AFG1L: variants seen among roughly 807,000 people sequenced by gnomAD.
AFG1L encodes AFG1 like ATPase, also known as AFG1-like ATPase.
Under a neutral mutation model 62.2 loss-of-function variants are expected in AFG1L, and 53 were observed. The observed-to-expected ratio is 0.85, with a 90% CI of 0.68 to 1.07. The LOEUF (loss-of-function observed/expected upper bound fraction) is 1.07, where lower values mean the gene tolerates loss of function less well. Ranked by LOEUF, AFG1L falls within the 50% of genes least tolerant of loss-of-function variation. The pLI is 0.00. For synonymous variants in AFG1L, 228 were observed against 210.3 expected (o/e 1.08, Z -0.73); for missense variants, 555 against 590.5 (o/e 0.94, Z 0.62).
chr6:108,457,324 C>T (rs957445380), intron 8 of AFG1L, among the ~76,000 whole-genome samples: 3 of 151,880 alleles, frequency 2.0e-5, no homozygotes, highest in African/African-American at 7.3e-5. Flanking sequence ...TTCTTATTAG[C>T]TATACCTCCT....
At chr6:108,351,917 A>G (rs1371452976) in intron 3 of AFG1L, among the ~76,000 whole-genome samples, 1 of 152,106 alleles carries the variant, frequency 6.6e-6, no homozygotes, top group Non-Finnish European at 1.5e-5. Flanking sequence ...ATATTAACTA[A>G]AGCTTTTTAA....
chr6:108,323,715 A>G, intron 1 of AFG1L, 110 bp from the exon 2 acceptor site: 1 of 695,526 alleles, frequency 1.4e-6, no homozygotes, highest in South Asian at 1.9e-5. Flanking sequence ...AACTGCTCCA[A>G]TAGATATACT....
At chr6:108,324,576 C>T (rs1420184352) in intron 2 of AFG1L, among the ~76,000 whole-genome samples, 4 of 152,180 alleles carry the variant, frequency 2.6e-5, no homozygotes, top group Non-Finnish European at 5.9e-5. Flanking sequence ...GACCTCCACA[C>T]TTCTCCAGTC....
At chr6:108,324,901 C>T (rs1443742399) in intron 2 of AFG1L, among the ~76,000 whole-genome samples, 1 of 152,094 alleles carries the variant, frequency 6.6e-6, no homozygotes, top group East Asian at 1.9e-4. Flanking sequence ...CCATGTTGGC[C>T]AGGCTGGTCT....
chr6:108,380,785 C>T (rs753788605), intron 6 of AFG1L, among the ~76,000 whole-genome samples: 80 of 152,274 alleles, frequency 5.3e-4, no homozygotes, highest in Middle Eastern at 3.4e-3. Flanking sequence ...AGTTAACTCT[C>T]GGGCTTGGGA....
chr6:108,304,151 C>T (rs538072328), intron 1 of AFG1L, among the ~76,000 whole-genome samples: 10 of 152,170 alleles, frequency 6.6e-5, no homozygotes, highest in Non-Finnish European at 1.5e-4. Context: ...TTTAAAGCCC[C>T]TAACTAAGCC....
intron 8 of AFG1L, among the ~76,000 whole-genome samples, chr6:108,459,551 T>C (rs1772377272): frequency 6.6e-6 from 1 of 152,236 alleles, no homozygotes; most frequent in Non-Finnish European, 1.5e-5. Flanking sequence ...GTCTAGACCA[T>C]TATTCTGAAA....
chr6:108,503,385 A>C (rs1360927500), intron 10 of AFG1L, among the ~76,000 whole-genome samples: 1 of 152,242 alleles, frequency 6.6e-6, no homozygotes, highest in Middle Eastern at 3.2e-3. Context: ...TTGTGTTAAC[A>C]GTCATGAAAA....
At chr6:108,517,517 G>A (rs551219624) in intron 11 of AFG1L, among the ~76,000 whole-genome samples, 1 of 152,298 alleles carries the variant, frequency 6.6e-6, no homozygotes, top group Non-Finnish European at 1.5e-5. Context: ...ATGGATTAAA[G>A]ACTTAAATGT....
chr6:108,466,628 C>T (rs1035324718), intron 8 of AFG1L, among the ~76,000 whole-genome samples: 4 of 151,822 alleles, frequency 2.6e-5, no homozygotes, highest in African/African-American at 9.7e-5. Context: ...GTGAAGGCGG[C>T]CGTCTGCAAG....
At chr6:108,464,996 T>G (rs1268731653) in intron 8 of AFG1L, among the ~76,000 whole-genome samples, 1 of 152,222 alleles carries the variant, frequency 6.6e-6, no homozygotes, top group Admixed American at 6.5e-5. Context: ...ACTTAAATTC[T>G]TTATCCTTAC....
rs962069850 is a variant in AFG1L, at chr6:108,339,901, A to G, written c.364-7087A>G. Among the ~76,000 whole-genome samples, 7 of 152,176 alleles carry G rather than the reference A, an allele frequency of 4.6e-5. No individual in the cohort carries two copies. The East Asian group carries it at 1.2e-3, about 25-fold the overall frequency. Reference sequence around the variant, plus strand: ...CTCTCAAACATTTATCCTTTGTGTTACAATCAAATTATATACTCTTTTAGT... The same window carrying G: ...CTCTCAAACATTTATCCTTTGTGTTGCAATCAAATTATATACTCTTTTAGT... On this transcript the variant is annotated intron_variant, in intron 2 of 12. Coordinates refer to ENST00000368977, the MANE Select transcript of AFG1L (RefSeq NM_145315.5).
intron 11 of AFG1L, among the ~76,000 whole-genome samples, chr6:108,518,197 T>G (rs1485694936): frequency 1.3e-5 from 2 of 152,160 alleles, no homozygotes; most frequent in Admixed American, 6.5e-5. Context: ...TAAAGACACA[T>G]GCACACGTAT....
At chr6:108,333,368 C>T (rs528010291) in intron 2 of AFG1L, among the ~76,000 whole-genome samples, 2 of 151,406 alleles carry the variant, frequency 1.3e-5, no homozygotes, top group East Asian at 3.9e-4. Context: ...TGATATCCGC[C>T]ACTGCACTCC....
At chr6:108,386,874 T>C (rs1049998970) in intron 6 of AFG1L, among the ~76,000 whole-genome samples, 2 of 152,038 alleles carry the variant, frequency 1.3e-5, no homozygotes, top group African/African-American at 2.4e-5. Flanking sequence ...ATTGTAATCA[T>C]AGAACAACAA....
intron 2 of AFG1L, among the ~76,000 whole-genome samples, chr6:108,327,302 C>T (rs1778084983): frequency 6.6e-6 from 1 of 152,202 alleles, no homozygotes; most frequent in Non-Finnish European, 1.5e-5. Flanking sequence ...AAAGGCATCT[C>T]CATGACACAG....
intron 7 of AFG1L, among the ~76,000 whole-genome samples, chr6:108,432,079 C>G (rs1771102815): frequency 6.6e-6 from 1 of 151,022 alleles, no homozygotes; most frequent in Non-Finnish European, 1.5e-5. Context: ...GTTCTAAGTA[C>G]TTTGAAAATA....
chr6:108,515,437 G>A (rs981470932), intron 11 of AFG1L, among the ~76,000 whole-genome samples: 1 of 152,140 alleles, frequency 6.6e-6, no homozygotes, highest in Non-Finnish European at 1.5e-5. Context: ...AAATAAAGAT[G>A]TTCTTTGAAA....
At chr6:108,297,194 C>T (rs1039718384) in intron 1 of AFG1L, among the ~76,000 whole-genome samples, 12 of 152,224 alleles carry the variant, frequency 7.9e-5, no homozygotes, top group African/African-American at 2.2e-4. Flanking sequence ...GCAACCTCCA[C>T]CTCCTGGATT....
Sources: gnomAD v4.1 joint callset for allele counts (sites outside exome capture counted in the v4.1 genomes callset) on GRCh38, gnomAD v4.1.1 for gene constraint, MANE v1.5 for transcripts, NCBI Gene and HGNC (gene_info 2026-07-23, HGNC 2026-07-21) for gene names.